FLG: variants seen among roughly 807,000 people sequenced by gnomAD.
The protein encoded by FLG is epidermal filaggrin.
In FLG, 6 loss-of-function variants were observed where a neutral mutation model predicts 3.8. That is an observed-to-expected ratio of 1.60 (90% CI 0.87 to 3.15). The LOEUF (loss-of-function observed/expected upper bound fraction) is 3.15. FLG is among the 30% of genes most tolerant of loss of function. The pLI is 0.00. For synonymous variants in FLG, 2,551 were observed against 1,931.6 expected (o/e 1.32, Z -8.41); for missense variants, 7,595 against 5,050.9 (o/e 1.50, Z -15.27).
chr1:152,309,183 G>T lies in FLG; in HGVS notation c.5703C>A (p.Gly1901=), dbSNP rs12073518. The T allele has an allele frequency of 1.2e-6, 2 of 1,613,480 alleles. No individual in the cohort carries two copies. The highest frequency in any genetic ancestry group is 2.2e-5 in the South Asian group (2 of 91,046). The change falls in exon 3 of 3, where the codon GGC becomes GGA. Residue 1901 remains glycine (G), a synonymous_variant. Transcript: ENST00000368799. ...TCCTGGGCCCTGATGATTGTCCCTG[G>T]CCCACCTGCGAGTGTCTAGAGCTGT... ...RADSSRHSQV[G]QGQSSGPRTS... is the part of the protein sequence containing the mutation.
rs1171438234 is a variant in FLG at position 152,314,309 on chromosome 1, A to G, written c.577T>C (p.Leu193=). The G allele has an allele frequency of 1.4e-5, 22 of 1,612,202 alleles. No homozygotes were observed. The highest frequency in any genetic ancestry group is 2.2e-5 in the East Asian group (1 of 44,790). ...CTTAGCCTCTTCCTATTGTCTCCTA[A>G]TCTAGTATTTTCAGTCTTGTTTTTC... ...KEKNKTENTR[L]GDNRKRLSER... is the part of the protein sequence containing the mutation. The change falls in exon 3 of 3, where the codon TTA becomes CTA. Residue 193 remains leucine (L), a synonymous_variant. Coordinates refer to ENST00000368799, the MANE Select transcript of FLG (RefSeq NM_002016.2).
At chr1:152,314,855 G>A (rs1267378847) in intron 2 of FLG, 108 bp from the exon 3 acceptor site, 3 of 1,438,460 alleles carry the variant, frequency 2.1e-6, no homozygotes, top group East Asian at 2.3e-5. Flanking sequence ...ATTAAAAAGT[G>A]GGACAAAATC....
Position 152,312,827 on chromosome 1 carries a change from T to A in FLG, c.2059A>T (p.Asn687Tyr). Residue 687 changes from asparagine to tyrosine, a missense_variant, in exon 3 of 3, where the codon AAT becomes TAT. Asn to Tyr is a moderately radical substitution (Grantham distance 143, BLOSUM62 -2). Transcript: ENST00000368799. ...GACGCAGCCTGTCCACTAGAGGAAT[T>A]CTGTGTGTGACGAGTGCCTGATTTT... ...SRKSGTRHTQNSSSGQAASSH... is the reference protein window; with the variant it reads ...SRKSGTRHTQYSSSGQAASSH... The A allele has an allele frequency of 6.2e-7, 1 of 1,613,798 alleles. No individual in the cohort carries two copies. The highest frequency in any genetic ancestry group is 8.5e-7 in the Non-Finnish European group (1 of 1,179,800).
rs150476263 is a variant in FLG at position 152,303,602 on chromosome 1, G to A, written c.11284C>T (p.Pro3762Ser). The change falls in exon 3 of 3, where the codon CCG (proline) becomes TCG (serine). Residue 3762 changes from proline to serine, a missense_variant. Coordinates refer to ENST00000368799, the MANE Select transcript of FLG (RefSeq NM_002016.2). ...TGTCTTCCTCCTCTCCTTGACCCCGGGTGTCCACGAATGGTGTCCTGACCC... is the reference window on the plus strand; with the variant it reads ...TGTCTTCCTCCTCTCCTTGACCCCGAGTGTCCACGAATGGTGTCCTGACCC... The part of the protein sequence containing the change: ...QEGQDTIRGH[P>S]GSRRGGRQGS... 2.3e-5 allele frequency: 37 copies of A among 1,613,524 alleles called. No homozygotes were observed. Among genetic ancestry groups the A allele is most frequent in the Non-Finnish European group, 2.6e-5 (31 of 1,179,888 alleles).
chr1:152,311,045 C>T lies in FLG; in HGVS notation c.3841G>A (p.Asp1281Asn), dbSNP rs763266331. 2 of 1,613,912 alleles carry T rather than the reference C, an allele frequency of 1.2e-6. No individual in the cohort carries two copies. Among genetic ancestry groups the T allele is most frequent in the South Asian group, 2.2e-5 (2 of 91,058 alleles). Residue 1281 changes from aspartate (D) to asparagine (N), a missense_variant, in exon 3 of 3, where the codon GAC becomes AAC. Asp to Asn is a conservative substitution (Grantham distance 23). Coordinates refer to ENST00000368799, the MANE Select transcript of FLG (RefSeq NM_002016.2). ...SQDSDSERHSDDSERLSGSAS... is the reference protein window; with the variant it reads ...SQDSDSERHSNDSERLSGSAS... ...GACCCAGACAACCTCTCGGAGTCGTCTGAGTGTCTCTCACTGTCACTGTCC... is the reference window on the plus strand; with the variant it reads ...GACCCAGACAACCTCTCGGAGTCGTTTGAGTGTCTCTCACTGTCACTGTCC...
Position 152,302,472 on chromosome 1 carries a change from A to G in FLG, c.*228T>C, listed in dbSNP as rs1427358138. ...ATACTCCAGCTAGTTTTCTAAAGTT[A>G]GCTCTCCATGATATTGATTTCTTCC... On this transcript the variant is annotated 3_prime_UTR_variant, in exon 3 of 3. Coordinates refer to ENST00000368799, the MANE Select transcript of FLG (RefSeq NM_002016.2). 1.8e-6 allele frequency: 1 copy of G among 567,822 alleles called. No homozygotes were observed. The allele number at this position is 567,822 out of a possible 1,614,324, so 35.2% of individuals were successfully genotyped here. A position where few individuals can be genotyped will look rare whatever the true frequency, so the allele number is the denominator to read the frequency against.
rs753341994 is a variant in FLG at position 152,312,911 on chromosome 1, G to T, written c.1975C>A (p.His659Asn). Reference protein sequence around the residue: ...AQEQSRDGSRHPRSHHEDRAG... With the variant: ...AQEQSRDGSRNPRSHHEDRAG... The stretch of plus-strand genomic sequence containing the variant: ...CTGTCTTCGTGATGGGACCTGGGGT[G>T]TCTGGAGCCATCTCTTGACTGCTCC... The change falls in exon 3 of 3, where the codon CAC becomes AAC. Residue 659 changes from histidine to asparagine, a missense_variant. Transcript: ENST00000368799. 6 of 1,614,074 alleles carry T rather than the reference G, an allele frequency of 3.7e-6. No homozygotes were observed. Among genetic ancestry groups the T allele is most frequent in the Admixed American group, 1.7e-5 (1 of 60,020 alleles).
At position 152,305,385 on chromosome 1, in the gene FLG, A is replaced by G. The variant is rs202013256; in HGVS notation, c.9501T>C (p.Asn3167=). The G allele has an allele frequency of 9.8e-5, 158 of 1,605,354 alleles. 4 individuals carry two copies. The East Asian group carries it at 3.5e-3, about 36-fold the overall frequency. ...GSRSASRTTR[N]EEQSGDSSRH... is the part of the protein sequence containing the mutation. The stretch of plus-strand genomic sequence containing the variant: ...TGGAGCTGTCTCCTGATTGTTCCTC[A>G]TTACGTGTTGTTCTGCTTGCACTTC... The change falls in exon 3 of 3, where the codon AAT becomes AAC. Residue 3167 remains asparagine (N), a synonymous_variant. Transcript: ENST00000368799.
At position 152,312,219 on chromosome 1, in the gene FLG, G is replaced by C; in HGVS notation, c.2667C>G (p.Ser889=). 6.2e-7 allele frequency: 1 copy of C among 1,613,818 alleles called. No homozygotes were observed. Among genetic ancestry groups the C allele is most frequent in the Non-Finnish European group, 8.5e-7 (1 of 1,179,958 alleles). Residue 889 remains serine (S), a synonymous_variant, in exon 3 of 3, where the codon TCC becomes TCG. Coordinates refer to ENST00000368799, the MANE Select transcript of FLG (RefSeq NM_002016.2). The part of the protein sequence containing the change: ...RSDASRGQSG[S]RSASRTTRNE... ...TACGTGTTGTTCTGCTTGCACTTCT[G>C]GATCCTGACTGCCCACGGGAGGCAT...
At chr1:152,323,593 T>C (rs34959854) in intron 1 of FLG, among the ~76,000 whole-genome samples, 2,679 of 151,286 alleles carry the variant, frequency 0.018, 47 homozygotes, top group South Asian at 0.06. Context: ...GAGACCTCAA[T>C]ACACCCACCA....
Position 152,309,344 on chromosome 1 carries a change from A to C in FLG, c.5542T>G (p.Ser1848Ala), listed in dbSNP as rs764895338. ...HSGSHHSHTT[S>A]QERSDVSRGQ... ...CGGGAGACATCAGACCTTTCCTGGG[A>C]CGTGGTGTGGCTGTGATGAGACCCT... The change falls in exon 3 of 3, where the codon TCC becomes GCC. Residue 1848 changes from serine (S) to alanine (A), a missense_variant. By Grantham distance (99) the Ser-to-Ala change is moderately conservative. Transcript: ENST00000368799. 1 of 1,613,466 alleles carries C rather than the reference A, an allele frequency of 6.2e-7. No homozygotes were observed. The highest frequency in any genetic ancestry group is 1.1e-5 in the South Asian group (1 of 91,044).
rs1292331293 is a variant in FLG at position 152,309,955 on chromosome 1, C to G, written c.4931G>C (p.Gly1644Ala). Residue 1644 changes from glycine to alanine, a missense_variant, in exon 3 of 3, where the codon GGG (glycine) becomes GCG (alanine). Transcript: ENST00000368799. ...TTGTCTGGAGCTCTCTGCAGAGTGC[C>G]CATGACTGGCTCTATCTTCTTGATG... ...RSHQEDRASHGHSAESSRQSG... is the reference protein window; with the variant it reads ...RSHQEDRASHAHSAESSRQSG... 6.2e-7 allele frequency: 1 copy of G among 1,614,068 alleles called. No individual in the cohort carries two copies. Among genetic ancestry groups the G allele is most frequent in the South Asian group, 1.1e-5 (1 of 91,064 alleles).
chr1:152,303,117 A>T lies in FLG; in HGVS notation c.11769T>A (p.Ser3923Arg). ...VQSSPVQSDS[S>R]TAKEHGHFSS... ...TAAAGTGACCATGTTCCTTAGCGGT[A>T]CTAGAGTCTGACTGTACAGGTGAAG... The change falls in exon 3 of 3, where the codon AGT (serine) becomes AGA (arginine). Residue 3923 changes from serine (S) to arginine (R), a missense_variant. By Grantham distance (110) the Ser-to-Arg change is moderately radical. Transcript: ENST00000368799. The T allele has an allele frequency of 6.2e-7, 1 of 1,614,202 alleles. No individual in the cohort carries two copies. The highest frequency in any genetic ancestry group is 2.2e-5 in the East Asian group (1 of 44,890).
At position 152,312,561 on chromosome 1, in the gene FLG, G is replaced by C. The variant is rs1484790727; in HGVS notation, c.2325C>G (p.His775Gln). The C allele has an allele frequency of 6.2e-7, 1 of 1,613,608 alleles. No homozygotes were observed. Among genetic ancestry groups the C allele is most frequent in the Non-Finnish European group, 8.5e-7 (1 of 1,179,954 alleles). The change falls in exon 3 of 3, where the codon CAC (histidine) becomes CAG (glutamine). Residue 775 changes from histidine (H) to glutamine (Q), a missense_variant. Physicochemically the swap from His to Gln is conservative, Grantham distance 24. Coordinates refer to ENST00000368799, the MANE Select transcript of FLG (RefSeq NM_002016.2). ...CTGACCGGTCACGTGCGGACTCTTG[G>C]TGGCTCTGCTGATGGTGACCAGCCT... ...HGQAGHHQQSHQESARDRSGE... is the reference protein window; with the variant it reads ...HGQAGHHQQSQQESARDRSGE...
intron 1 of FLG, among the ~76,000 whole-genome samples, chr1:152,317,317 C>G (rs541592027): frequency 6.6e-6 from 1 of 152,126 alleles, no homozygotes; most frequent in East Asian, 1.9e-4. Flanking sequence ...AGCAAAATTC[C>G]TCAAAAGATA....
rs1385188170 is a variant in FLG at position 152,309,599 on chromosome 1, C to A, written c.5287G>T (p.Gly1763Trp). 6.2e-7 allele frequency: 1 copy of A among 1,613,884 alleles called. No individual in the cohort carries two copies. The highest frequency in any genetic ancestry group is 1.1e-5 in the South Asian group (1 of 91,054). ...GQSGERSGRS[G>W]SFLYQVSTHE... ...GTGCTCACCTGGTAGAGGAAAGACC[C>A]TGAACGTCCAGACCTTTCCCCTGAC... Residue 1763 changes from glycine (G) to tryptophan (W), a missense_variant, in exon 3 of 3, where the codon GGG (glycine) becomes TGG (tryptophan). Physicochemically the swap from Gly to Trp is radical, Grantham distance 184. Coordinates refer to ENST00000368799, the MANE Select transcript of FLG (RefSeq NM_002016.2).
chr1:152,311,961 C>T lies in FLG; in HGVS notation c.2925G>A (p.Gln975=), dbSNP rs1402041434. 1.9e-6 allele frequency: 3 copies of T among 1,614,066 alleles called. No homozygotes were observed. The South Asian group carries it at 3.3e-5, about 18-fold the overall frequency. ...SASRNHRGSA[Q]EQSRHGSRHP... is the part of the protein sequence containing the mutation. The stretch of plus-strand genomic sequence containing the variant: ...GTCTGGAGCCATGTCTTGACTGCTC[C>T]TGAGCAGATCCACGATGGTTTCTGG... Residue 975 remains glutamine, a synonymous_variant, in exon 3 of 3, where the codon CAG becomes CAA. Transcript: ENST00000368799.
In FLG at chr1:152,305,383, T is replaced by C; in HGVS notation, c.9503A>G (p.Glu3168Gly). ...CCTGGAGCTGTCTCCTGATTGTTCC[T>C]CATTACGTGTTGTTCTGCTTGCACT... ...SRSASRTTRN[E>G]EQSGDSSRHS... Residue 3168 changes from glutamate (E) to glycine (G), a missense_variant, in exon 3 of 3, where the codon GAG becomes GGG. Transcript: ENST00000368799. 1.2e-6 allele frequency: 2 copies of C among 1,607,632 alleles called. No homozygotes were observed. The highest frequency in any genetic ancestry group is 1.7e-6 in the Non-Finnish European group (2 of 1,179,136).
In FLG at chr1:152,303,816, C is replaced by T. The variant is rs765116636; in HGVS notation, c.11070G>A (p.Gln3690=). ...SAHGQAGPHQ[Q]SHQESTRGRS... ...GGCCACGTGTGGACTCTTGGTGGCT[C>T]TGCTGATGGGGCCCAGCCTGTCCGT... The change falls in exon 3 of 3, where the codon CAG becomes CAA. Residue 3690 remains glutamine, a synonymous_variant. Transcript: ENST00000368799. 1.9e-5 allele frequency: 31 copies of T among 1,613,484 alleles called. No homozygotes were observed. The South Asian group carries it at 3.2e-4, about 17-fold the overall frequency.
Sources: allele counts gnomAD v4.1 joint callset (sites outside exome capture counted in the v4.1 genomes callset), GRCh38; gene constraint gnomAD v4.1.1; transcripts MANE v1.5; gene names NCBI Gene and HGNC (gene_info 2026-07-23, HGNC 2026-07-21).